PDE4B: variants seen among roughly 807,000 people sequenced by gnomAD.
PDE4B encodes 3',5'-cyclic-AMP phosphodiesterase 4B.
PDE4B carries 20 observed loss-of-function variants against 82.2 expected under a neutral mutation model. That is an observed-to-expected ratio of 0.24 (90% CI 0.17 to 0.35). The LOEUF (loss-of-function observed/expected upper bound fraction) is 0.35, where lower values mean the gene tolerates loss of function less well. Ranked by LOEUF, PDE4B falls within the 10% of genes least tolerant of loss-of-function variation. The pLI is 1.00. For synonymous variants in PDE4B, 320 were observed against 318.9 expected (o/e 1.00, Z -0.04); for missense variants, 655 against 907.2 (o/e 0.72, Z 3.57).
At chr1:65,823,960 A>G (rs12561892) in intron 1 of PDE4B, among the ~76,000 whole-genome samples, 4,616 of 152,184 alleles carry the variant, frequency 0.03, 175 homozygotes, top group East Asian at 0.12. Context: ...AATTGTTTAT[A>G]TTTCCCTTGT....
In PDE4B at chr1:66,015,922, C is replaced by T. The variant is rs373139307; in HGVS notation, c.281+97087C>T. On this transcript the variant is annotated intron_variant, in intron 3 of 16. Transcript: ENST00000341517. ...TATTTATTTATTCACTTTTCAAAAA[C>T]TGCTAATAATTTTCTATATTCTAGG... is the stretch of plus-strand genomic sequence containing the variant. Among the ~76,000 whole-genome samples the T allele has an allele frequency of 2.1e-3, 324 of 152,268 alleles. 1 individual carries two copies. Among genetic ancestry groups the T allele is most frequent in the African/African-American group, 7.5e-3 (312 of 41,546 alleles).
chr1:66,174,126 C>A (rs958446025), intron 3 of PDE4B, among the ~76,000 whole-genome samples: 2 of 152,122 alleles, frequency 1.3e-5, no homozygotes, highest in African/African-American at 4.8e-5. Context: ...TTTTTTCCTG[C>A]TGAACTACAG....
chr1:66,172,701 G>C (rs1377406712), intron 3 of PDE4B, among the ~76,000 whole-genome samples: 1 of 152,182 alleles, frequency 6.6e-6, no homozygotes, highest in South Asian at 2.1e-4. Flanking sequence ...CTGATGATTA[G>C]TGATGTTGAG....
At chr1:65,899,613 A>ATG (rs939260612) in intron 1 of PDE4B, among the ~76,000 whole-genome samples, 4 of 147,142 alleles carry the variant, frequency 2.7e-5, no homozygotes, top group African/African-American at 5.0e-5. Context: ...AACGTTACAT[A>ATG]TGTATATATA....
intron 3 of PDE4B, among the ~76,000 whole-genome samples, chr1:66,060,567 C>T (rs897676128): frequency 2.6e-5 from 4 of 152,144 alleles, no homozygotes; most frequent in African/African-American, 9.7e-5. Context: ...TATATCATAA[C>T]ACACTTTGTA....
intron 3 of PDE4B, among the ~76,000 whole-genome samples, chr1:66,148,604 T>A (rs1305480368): frequency 6.6e-6 from 1 of 152,194 alleles, no homozygotes; most frequent in Non-Finnish European, 1.5e-5. Flanking sequence ...TTAAAATTTT[T>A]GGGTATCTCC....
At chr1:65,865,616 C>T (rs564950454) in intron 1 of PDE4B, among the ~76,000 whole-genome samples, 36 of 152,154 alleles carry the variant, frequency 2.4e-4, no homozygotes, top group Non-Finnish European at 8.8e-5. Flanking sequence ...TCCCTCACGG[C>T]TTCCTTTGGC....
intron 4 of PDE4B, among the ~76,000 whole-genome samples, chr1:66,253,237 T>A (rs552097496): frequency 0.068 from 10,280 of 152,288 alleles, 681 homozygotes; most frequent in East Asian, 0.35. Context: ...TCTGTGCTGT[T>A]AACCACTATA....
chr1:66,361,367 T>C (rs1313538510), intron 9 of PDE4B, among the ~76,000 whole-genome samples: 1 of 152,210 alleles, frequency 6.6e-6, no homozygotes, highest in Non-Finnish European at 1.5e-5. Flanking sequence ...CTGGACAAGT[T>C]ACTTCGTTCC....
intron 1 of PDE4B, among the ~76,000 whole-genome samples, chr1:65,807,193 G>T (rs373290904): frequency 6.6e-6 from 1 of 152,224 alleles, no homozygotes; most frequent in East Asian, 1.9e-4. Context: ...CCCTTTGCAG[G>T]TACCTCAGAG....
chr1:65,995,552 T>A (rs1338571265), intron 3 of PDE4B, among the ~76,000 whole-genome samples: 1 of 152,206 alleles, frequency 6.6e-6, no homozygotes, highest in Non-Finnish European at 1.5e-5. Flanking sequence ...CTCTACCTCC[T>A]GTCTCTAAGA....
chr1:66,351,203 C>T (rs1296280020), intron 8 of PDE4B, among the ~76,000 whole-genome samples: 1 of 152,124 alleles, frequency 6.6e-6, no homozygotes, highest in Non-Finnish European at 1.5e-5. Flanking sequence ...TGGCCATTTC[C>T]TCTGGGGACA....
rs17128794 is a variant in PDE4B at position 66,320,090 on chromosome 1, T to C, written c.635-12418T>C. ...ATTTCTAATTTGGTATATTTCTTAA[T>C]GCTGTCCATTGCCTTACCTCATTTT... On this transcript the variant is annotated intron_variant, in intron 7 of 16. Coordinates refer to ENST00000341517, the MANE Select transcript of PDE4B (RefSeq NM_002600.4). 7.4e-3 allele frequency among the ~76,000 whole-genome samples: 1,129 copies of C among 152,312 alleles called. 14 individuals are homozygous for C. Among genetic ancestry groups the C allele is most frequent in the African/African-American group, 0.026 (1,090 of 41,568 alleles).
chr1:66,134,043 G>A (rs1354845528), intron 3 of PDE4B, among the ~76,000 whole-genome samples: 2 of 148,556 alleles, frequency 1.3e-5, no homozygotes, highest in African/African-American at 2.5e-5. Flanking sequence ...CACAAAACTG[G>A]AAAAAAAAAA....
intron 3 of PDE4B, among the ~76,000 whole-genome samples, chr1:65,924,326 G>A (rs980458240): frequency 4.7e-5 from 7 of 150,494 alleles, no homozygotes; most frequent in African/African-American, 1.7e-4. Flanking sequence ...CGCCCGCCTC[G>A]GCCTCCCAAA....
intron 3 of PDE4B, among the ~76,000 whole-genome samples, chr1:65,926,694 A>G (rs916681626): frequency 1.7e-4 from 26 of 152,276 alleles, no homozygotes; most frequent in African/African-American, 6.3e-4. Context: ...TTGTAGGCCT[A>G]CATAGAATTG....
intron 3 of PDE4B, among the ~76,000 whole-genome samples, chr1:66,137,730 A>G (rs1033672804): frequency 7.9e-5 from 12 of 152,226 alleles, no homozygotes; most frequent in African/African-American, 2.9e-4. Context: ...CCATCAAAGA[A>G]TAAGAGGTAA....
chr1:66,041,925 G>T (rs1453348656), intron 3 of PDE4B, among the ~76,000 whole-genome samples: 1 of 151,434 alleles, frequency 6.6e-6, no homozygotes, highest in Non-Finnish European at 1.5e-5. Flanking sequence ...ATGAATATAT[G>T]AATTGCAAGT....
At chr1:65,808,508 A>G (rs1400398454) in intron 1 of PDE4B, among the ~76,000 whole-genome samples, 1 of 152,244 alleles carries the variant, frequency 6.6e-6, no homozygotes, top group Non-Finnish European at 1.5e-5. Context: ...AGTATAAGGC[A>G]TAGTGAGGGA....
Sources: allele counts gnomAD v4.1 joint callset (sites outside exome capture counted in the v4.1 genomes callset), GRCh38; gene constraint gnomAD v4.1.1; transcripts MANE v1.5; gene names NCBI Gene and HGNC (gene_info 2026-07-23, HGNC 2026-07-21).